MYO1D: variants seen among roughly 807,000 people sequenced by gnomAD.
MYO1D encodes myosin ID.
In MYO1D, 83 loss-of-function variants were observed where a neutral mutation model predicts 122.0. That is an observed-to-expected ratio of 0.68 (90% confidence interval 0.57 to 0.82). MYO1D has a LOEUF of 0.82. Among genes scored for constraint, MYO1D ranks in the 40% least tolerant of loss-of-function variants. The pLI is 0.00. For missense variants in MYO1D, 1,157 were observed against 1,269.5 expected (o/e 0.91, Z 1.35); for synonymous variants, 464 against 446.9 (o/e 1.04, Z -0.48).
intron 11 of MYO1D, among the ~76,000 whole-genome samples, chr17:32,753,391 TAATA>T (rs1307318420): frequency 1.3e-5 from 2 of 151,944 alleles, no homozygotes; most frequent in African/African-American, 4.8e-5. Flanking sequence ...AGATCTAAAA[TAATA>T]AAAATAAATA....
Position 32,543,342 on chromosome 17 carries a change from C to T in MYO1D, c.2865-48427G>A, listed in dbSNP as rs184683185. Among the ~76,000 whole-genome samples, 52 of 151,672 alleles carry T rather than the reference C, an allele frequency of 3.4e-4. No individual in the cohort carries two copies. In the East Asian group the frequency reaches 8.0e-3, roughly 23 times the overall value. ...CTGTAATCCCAGCACTATGGGAGGC[C>T]GTGGCGGGCAGATCACGAGGTTAGG... On this transcript the variant is annotated intron_variant, in intron 21 of 21. Transcript: ENST00000318217.
chr17:32,539,056 A>G (rs1415400199), intron 21 of MYO1D, among the ~76,000 whole-genome samples: 1 of 89,602 alleles, frequency 1.1e-5, no homozygotes, highest in African/African-American at 3.0e-5. Context: ...ACCATGGCAC[A>G]TGTTTACCTA....
chr17:32,729,852 A>G (rs1243833705), intron 14 of MYO1D, among the ~76,000 whole-genome samples: 1 of 152,144 alleles, frequency 6.6e-6, no homozygotes, highest in Non-Finnish European at 1.5e-5. Context: ...CTGAGCTACT[A>G]CAGGCCCTGA....
chr17:32,712,948 C>T (rs2089397501), intron 15 of MYO1D, among the ~76,000 whole-genome samples: 2 of 152,164 alleles, frequency 1.3e-5, no homozygotes, highest in Non-Finnish European at 2.9e-5. Flanking sequence ...CTAGGTCTAG[C>T]CTACACTCAC....
chr17:32,552,045 A>G (rs929645370), intron 21 of MYO1D, among the ~76,000 whole-genome samples: 1 of 152,090 alleles, frequency 6.6e-6, no homozygotes, highest in African/African-American at 2.4e-5. Context: ...CCCTCATCGT[A>G]CTTTGCAGTC....
chr17:32,735,751 A>G (rs1206340375), intron 14 of MYO1D, among the ~76,000 whole-genome samples: 1 of 152,010 alleles, frequency 6.6e-6, no homozygotes, highest in Non-Finnish European at 1.5e-5. Flanking sequence ...GTTAGGTACC[A>G]TGTTAGTTCA....
intron 21 of MYO1D, among the ~76,000 whole-genome samples, chr17:32,590,026 T>G (rs1157812211): frequency 1.3e-5 from 2 of 152,244 alleles, no homozygotes; most frequent in Admixed American, 6.5e-5. Flanking sequence ...AAAAATTATT[T>G]TGCATTCTTG....
At chr17:32,597,450 C>T (rs916930282) in intron 21 of MYO1D, among the ~76,000 whole-genome samples, 3 of 151,136 alleles carry the variant, frequency 2.0e-5, no homozygotes, top group Non-Finnish European at 4.4e-5. Context: ...GAGAAAAAGG[C>T]AAGGTACAGA....
At chr17:32,678,031 T>C (rs960313625) in intron 16 of MYO1D, among the ~76,000 whole-genome samples, 2 of 152,106 alleles carry the variant, frequency 1.3e-5, no homozygotes, top group South Asian at 4.1e-4. Flanking sequence ...GGATGTGTAA[T>C]AGCATCAAAA....
At chr17:32,830,927 G>A (rs759409961) in intron 1 of MYO1D, among the ~76,000 whole-genome samples, 2 of 152,062 alleles carry the variant, frequency 1.3e-5, no homozygotes, top group Non-Finnish European at 2.9e-5. Context: ...GTGGTGGCAC[G>A]CACCTACAGT....
chr17:32,516,949 A>G (rs1319621714), intron 21 of MYO1D, among the ~76,000 whole-genome samples: 1 of 152,198 alleles, frequency 6.6e-6, no homozygotes, highest in Non-Finnish European at 1.5e-5. Flanking sequence ...TGCTCCTTTT[A>G]TCTTATATCC....
At chr17:32,791,940 T>C (rs974162778) in intron 1 of MYO1D, among the ~76,000 whole-genome samples, 4 of 152,188 alleles carry the variant, frequency 2.6e-5, no homozygotes, top group Admixed American at 2.6e-4. Context: ...AACAGTTTAG[T>C]TGTTGTTTTT....
At chr17:32,611,206 A>C (rs2087696923) in intron 20 of MYO1D, among the ~76,000 whole-genome samples, 1 of 152,272 alleles carries the variant, frequency 6.6e-6, no homozygotes, top group South Asian at 2.1e-4. Context: ...CTATACAAGA[A>C]AATCTCTAAT....
chr17:32,846,697 G>C (rs943125892), intron 1 of MYO1D, among the ~76,000 whole-genome samples: 2 of 152,172 alleles, frequency 1.3e-5, no homozygotes, highest in African/African-American at 4.8e-5. Context: ...AGACAGGTCA[G>C]GCACAGGAGT....
chr17:32,805,608 C>T (rs965232020), intron 1 of MYO1D, among the ~76,000 whole-genome samples: 1 of 151,976 alleles, frequency 6.6e-6, no homozygotes, highest in Non-Finnish European at 1.5e-5. Context: ...AGCAATCAAA[C>T]CATCAAAATT....
chr17:32,872,672 A>G (rs1337713019), intron 1 of MYO1D, among the ~76,000 whole-genome samples: 2 of 150,632 alleles, frequency 1.3e-5, no homozygotes, highest in Non-Finnish European at 3.0e-5. Flanking sequence ...TGCCCCATCC[A>G]GACACACATC....
At chr17:32,825,043 TA>T (rs546497330) in intron 1 of MYO1D, among the ~76,000 whole-genome samples, 54 of 152,294 alleles carry the variant, frequency 3.5e-4, no homozygotes, top group African/African-American at 1.3e-3. Flanking sequence ...AAAATAAGGA[TA>T]AAAAAGTAAG....
At chr17:32,646,341 A>C (rs2088293986) in intron 19 of MYO1D, among the ~76,000 whole-genome samples, 1 of 152,126 alleles carries the variant, frequency 6.6e-6, no homozygotes, top group African/African-American at 2.4e-5. Context: ...GGCACCAAAT[A>C]ATAGCTAATC....
At chr17:32,769,932 T>C (rs1465934652) in intron 6 of MYO1D, among the ~76,000 whole-genome samples, 2 of 152,210 alleles carry the variant, frequency 1.3e-5, no homozygotes, top group African/African-American at 2.4e-5. Flanking sequence ...AAAAGTAACT[T>C]AGTCGATAAG....
Sources: allele counts gnomAD v4.1 joint callset (sites outside exome capture counted in the v4.1 genomes callset), GRCh38; gene constraint gnomAD v4.1.1; transcripts MANE v1.5; gene names NCBI Gene and HGNC (gene_info 2026-07-23, HGNC 2026-07-21).